The following SYNE1 variants were observed in gnomAD, a reference collection of about 807,000 sequenced individuals.
SYNE1 encodes the protein nesprin-1.
Under a neutral mutation model 1,111.0 loss-of-function variants are expected in SYNE1, and 616 were observed. The ratio of observed to expected loss-of-function variants is 0.55; its 90% CI spans 0.52 to 0.59. The LOEUF (loss-of-function observed/expected upper bound fraction) is 0.59, where lower values mean the gene tolerates loss of function less well. Ranked by LOEUF, SYNE1 falls within the 20% of genes least tolerant of loss-of-function variation. The probability of loss-of-function intolerance (pLI) is 0.00; values close to 1 mark genes in which losing one functional copy is unlikely to be tolerated. For synonymous variants in SYNE1, 3,855 were observed against 3,825.8 expected (o/e 1.01, Z -0.28); for missense variants, 10,006 against 10,417.0 (o/e 0.96, Z 1.72).
In SYNE1 at chr6:152,487,184, T is replaced by C. The variant is rs971540179; in HGVS notation, c.1047+1212A>G. ...TACTAAGCCCAGCATCCATTAGCTATTCTTCCTGATGCTCTCCTTCTCCCA... is the reference window on the plus strand; with the variant it reads ...TACTAAGCCCAGCATCCATTAGCTACTCTTCCTGATGCTCTCCTTCTCCCA... On this transcript the variant is annotated intron_variant, in intron 12 of 145. Transcript: ENST00000367255. Among the ~76,000 whole-genome samples the C allele has an allele frequency of 2.6e-5, 4 of 152,210 alleles. No homozygotes were observed. The East Asian group carries it at 7.7e-4, about 29-fold the overall frequency.
At position 152,347,089 on chromosome 6, in the gene SYNE1, G is replaced by A. The variant is rs1450552779; in HGVS notation, c.12048C>T (p.Ser4016=). The part of the protein sequence containing the change: ...VHAHLQGTKD[S]YSAICSTAQR... ...GAGCTGTGCTGCAGATCGCTGAGTAGCTGTCCTTTGTGCCCTGCAGATGAG... is the reference window on the plus strand; with the variant it reads ...GAGCTGTGCTGCAGATCGCTGAGTAACTGTCCTTTGTGCCCTGCAGATGAG... The change falls in exon 73 of 146, where the codon AGC becomes AGT. Residue 4016 remains serine, a synonymous_variant. Transcript: ENST00000367255. 1.2e-6 allele frequency: 2 copies of A among 1,614,208 alleles called. No individual in the cohort carries two copies. The highest frequency in any genetic ancestry group is 3.3e-4 in the Middle Eastern group (2 of 6,062).
intron 133 of SYNE1, among the ~76,000 whole-genome samples, chr6:152,152,962 A>G (rs544478363): frequency 3.7e-4 from 56 of 152,342 alleles, no homozygotes; most frequent in African/African-American, 1.3e-3. Context: ...CTATAGCATA[A>G]GAGTCATTTG....
chr6:152,438,998 T>C (rs577405363), intron 32 of SYNE1, among the ~76,000 whole-genome samples: 22 of 152,352 alleles, frequency 1.4e-4, no homozygotes, highest in African/African-American at 5.3e-4. Context: ...AGTGAGTTCA[T>C]CACCAACTTT....
chr6:152,594,013 C>A (rs1000813717), intron 3 of SYNE1, among the ~76,000 whole-genome samples: 2 of 152,238 alleles, frequency 1.3e-5, no homozygotes, highest in Admixed American at 1.3e-4. Flanking sequence ...GGACAAGATT[C>A]TTCCCCCACC....
At chr6:152,580,618 T>A (rs2099516124) in intron 3 of SYNE1, among the ~76,000 whole-genome samples, 1 of 152,184 alleles carries the variant, frequency 6.6e-6, no homozygotes, top group Non-Finnish European at 1.5e-5. Flanking sequence ...TTTCTTAGGT[T>A]TTCTTCTACA....
At chr6:152,334,776 C>A (rs1025167979) in intron 76 of SYNE1, among the ~76,000 whole-genome samples, 2 of 152,200 alleles carry the variant, frequency 1.3e-5, no homozygotes, top group African/African-American at 4.8e-5. Flanking sequence ...GTTCCCTTAA[C>A]TAAATATCCT....
chr6:152,136,158 CA>C (rs1440392991), intron 141 of SYNE1, among the ~76,000 whole-genome samples: 2 of 152,150 alleles, frequency 1.3e-5, no homozygotes, highest in Non-Finnish European at 2.9e-5. Context: ...TTGTCTTCCC[CA>C]ACAAAAGCAG....
At chr6:152,213,522 A>T in intron 123 of SYNE1, 90 bp downstream of exon 123, 1 of 1,431,866 alleles carries the variant, frequency 7.0e-7, no homozygotes, top group Non-Finnish European at 9.9e-7. Flanking sequence ...TGCAAAGGGC[A>T]TGATTTTAAT....
intron 128 of SYNE1, among the ~76,000 whole-genome samples, chr6:152,185,607 C>A (rs760006459): frequency 6.6e-6 from 1 of 152,152 alleles, no homozygotes; most frequent in Non-Finnish European, 1.5e-5. Context: ...AACGTAAGTA[C>A]GCTTTAGCTT....
intron 144 of SYNE1, 21 bp from the exon 145 acceptor site, chr6:152,130,799 G>T (rs779535025): frequency 2.5e-6 from 4 of 1,613,576 alleles, no homozygotes; most frequent in East Asian, 2.2e-5. Flanking sequence ...TGAACAGGGG[G>T]TAAAGAAAGA....
chr6:152,290,303 T>C (rs896553334), intron 95 of SYNE1, among the ~76,000 whole-genome samples: 5 of 152,092 alleles, frequency 3.3e-5, no homozygotes, highest in African/African-American at 1.2e-4. Context: ...ACACCTGTAA[T>C]CCCAGCACTT....
chr6:152,471,727 A>G lies in SYNE1; in HGVS notation c.1502T>C (p.Met501Thr), dbSNP rs202149617. The change falls in exon 16 of 146, where the codon ATG (methionine) becomes ACG (threonine). Residue 501 changes from methionine to threonine, a missense_variant. Physicochemically the swap from Met to Thr is moderately conservative, Grantham distance 81 (BLOSUM62 -1). Coordinates refer to ENST00000367255, the MANE Select transcript of SYNE1 (RefSeq NM_182961.4). ...FVSSTSELHL[M>T]KMEFLELKYR... ...CTTTAATTCTAAAAATTCCATTTTC[A>G]TTAGGTGTAGCTCTGATGTGGAGGA... 38 of 1,613,922 alleles carry G rather than the reference A, an allele frequency of 2.4e-5. No homozygotes were observed. The highest frequency in any genetic ancestry group is 1.7e-5 in the Admixed American group (1 of 60,024).
chr6:152,455,449 C>A lies in SYNE1; in HGVS notation c.2869G>T (p.Glu957Ter). 6.2e-7 allele frequency: 1 copy of A among 1,614,134 alleles called. No individual in the cohort carries two copies. The highest frequency in any genetic ancestry group is 8.5e-7 in the Non-Finnish European group (1 of 1,179,994). ...ACAGTGTGTCTCCGCAGGAGCTCCT[C>A]TGGATCCCCCTTTTCCTCCAGGCCC... is the stretch of plus-strand genomic sequence containing the variant. ...QEGLEEKGDP[E>*]ELLRRHTEFF... Residue 957 changes from glutamate to a stop codon, truncating the protein, a stop_gained, in exon 24 of 146, where the codon GAG becomes TAG. Transcript: ENST00000367255. LOFTEE classifies it high-confidence loss of function.
intron 128 of SYNE1, among the ~76,000 whole-genome samples, chr6:152,186,497 G>T (rs957003459): frequency 1.4e-5 from 2 of 144,936 alleles, no homozygotes; most frequent in African/African-American, 5.1e-5. Flanking sequence ...TGGAGTCTGC[G>T]GTGAGCCGAG....
intron 45 of SYNE1, chr6:152,405,088 C>T (rs1451013939): frequency 6.6e-6 from 1 of 152,240 alleles, no homozygotes; most frequent in Non-Finnish European, 1.5e-5. Flanking sequence ...AGAAGCTGGC[C>T]GAGCAACTGA....
At chr6:152,161,182 T>C (rs952428682) in intron 131 of SYNE1, among the ~76,000 whole-genome samples, 1 of 143,482 alleles carries the variant, frequency 7.0e-6, no homozygotes, top group Non-Finnish European at 1.5e-5. Flanking sequence ...GTAACAAAAA[T>C]ATAAATATAT....
At chr6:152,319,074 TA>T (rs1349938377) in intron 84 of SYNE1, 59 bp from the exon 85 acceptor site, 1 of 1,601,166 alleles carries the variant, frequency 6.2e-7, no homozygotes, top group Non-Finnish European at 8.5e-7. Flanking sequence ...TAATAGATAC[TA>T]AAAATCTCAA....
At chr6:152,410,678 C>A (rs750818170) in intron 42 of SYNE1, among the ~76,000 whole-genome samples, 3 of 152,114 alleles carry the variant, frequency 2.0e-5, no homozygotes, top group Admixed American at 6.6e-5. Flanking sequence ...TTGCAGTGAG[C>A]CAAGATCACA....
chr6:152,482,975 T>C (rs761708777), intron 14 of SYNE1, 110 bp downstream of exon 14: 7 of 1,217,998 alleles, frequency 5.7e-6, no homozygotes, highest in South Asian at 2.4e-5. Flanking sequence ...TCTCCGATCA[T>C]GTAGAATTAA....
Sources: gnomAD v4.1 joint callset for allele counts (sites outside exome capture counted in the v4.1 genomes callset) on GRCh38, gnomAD v4.1.1 for gene constraint, MANE v1.5 for transcripts, NCBI Gene and HGNC (gene_info 2026-07-23, HGNC 2026-07-21) for gene names.